The following EFHB variants were observed in gnomAD, a reference collection of about 807,000 sequenced individuals.
EFHB encodes the protein EF-hand domain-containing family member B.
Under a neutral mutation model 87.2 loss-of-function variants are expected in EFHB, and 91 were observed. That is an observed-to-expected ratio of 1.04 (90% CI 0.88 to 1.24). The LOEUF (loss-of-function observed/expected upper bound fraction) is 1.24, where lower values mean the gene tolerates loss of function less well. EFHB is among the 50% of genes most tolerant of loss of function. The pLI is 0.00. For missense variants in EFHB, 1,084 were observed against 998.8 expected (o/e 1.09, Z -1.15); for synonymous variants, 325 against 333.6 (o/e 0.97, Z 0.28).
intron 1 of EFHB, among the ~76,000 whole-genome samples, chr3:19,932,926 A>G (rs1032057667): frequency 6.6e-6 from 1 of 152,210 alleles, no homozygotes; most frequent in Non-Finnish European, 1.5e-5. Context: ...CACAGCATGT[A>G]TCTTCATGTA....
chr3:19,927,463 A>G (rs1471674752), intron 1 of EFHB, among the ~76,000 whole-genome samples: 1 of 152,208 alleles, frequency 6.6e-6, no homozygotes, highest in Non-Finnish European at 1.5e-5. Context: ...GTTTTACTAG[A>G]AGAACTTGCC....
Position 19,882,124 on chromosome 3 carries a change from C to T in EFHB, c.2328+426G>A, listed in dbSNP as rs57483851. Among the ~76,000 whole-genome samples the T allele has an allele frequency of 4.6e-3, 705 of 151,986 alleles. 6 individuals carry two copies. Among genetic ancestry groups the T allele is most frequent in the African/African-American group, 0.014 (585 of 41,442 alleles). Reference sequence around the variant, plus strand: ...GGCAACAAGACAGAATATTTTAAATCAATGCTTGTCACAGATAATCTGAGA... The same window carrying T: ...GGCAACAAGACAGAATATTTTAAATTAATGCTTGTCACAGATAATCTGAGA... On this transcript the variant is annotated intron_variant, in intron 12 of 12. Transcript: ENST00000295824.
In EFHB at chr3:19,888,548, T is replaced by C; in HGVS notation, c.1829A>G (p.Asp610Gly). 1 of 1,595,076 alleles carries C rather than the reference T, an allele frequency of 6.3e-7. No individual in the cohort carries two copies. Among genetic ancestry groups the C allele is most frequent in the Non-Finnish European group, 8.5e-7 (1 of 1,169,708 alleles). ...GTTAATGAAGCCATCATTATCCACA[T>C]CACAGTAGTCAAATAGCTGGTCCAG... Reference protein sequence around the residue: ...KLLDQLFDYCDVDNDGFINYL... With the variant: ...KLLDQLFDYCGVDNDGFINYL... The change falls in exon 10 of 13, where the codon GAT becomes GGT. Residue 610 changes from aspartate to glycine, a missense_variant. By Grantham distance (94) the Asp-to-Gly change is moderately conservative. Coordinates refer to ENST00000295824, the MANE Select transcript of EFHB (RefSeq NM_144715.4).
chr3:19,908,547 A>T (rs1694916806), intron 5 of EFHB, among the ~76,000 whole-genome samples: 1 of 67,218 alleles, frequency 1.5e-5, no homozygotes, highest in Non-Finnish European at 3.1e-5. Flanking sequence ...AAAGAAAGAA[A>T]GAGAGAAAGA....
At chr3:19,939,867 C>T (rs571971777) in intron 1 of EFHB, among the ~76,000 whole-genome samples, 7 of 152,234 alleles carry the variant, frequency 4.6e-5, no homozygotes, top group East Asian at 3.9e-4. Flanking sequence ...ACTGTAAAAC[C>T]GAACAATTGA....
intron 6 of EFHB, among the ~76,000 whole-genome samples, chr3:19,904,181 C>T (rs1286950571): frequency 6.6e-6 from 1 of 152,168 alleles, no homozygotes; most frequent in South Asian, 2.1e-4. Context: ...AAATCTACCC[C>T]TATCATTGAC....
intron 5 of EFHB, among the ~76,000 whole-genome samples, chr3:19,906,863 C>T (rs1256915777): frequency 1.3e-5 from 2 of 151,956 alleles, no homozygotes; most frequent in Admixed American, 6.6e-5. Context: ...TAAAAACAGA[C>T]ATACAGGCTA....
chr3:19,920,061 C>A (rs1695384315), intron 2 of EFHB, 85 bp from the exon 3 acceptor site: 1 of 1,424,294 alleles, frequency 7.0e-7, no homozygotes, highest in South Asian at 1.3e-5. Context: ...CAACCAACAA[C>A]CTTAAGTGCA....
intron 1 of EFHB, among the ~76,000 whole-genome samples, chr3:19,945,379 C>T (rs1339504368): frequency 6.6e-6 from 1 of 152,170 alleles, no homozygotes. Flanking sequence ...ACAGAAAGAA[C>T]AGCAGTATGC....
rs1043994167 is a variant in EFHB, at chr3:19,928,698, G to A, written c.789+4532C>T. 3.0e-4 allele frequency among the ~76,000 whole-genome samples: 45 copies of A among 152,150 alleles called. 1 individual carries two copies. Among genetic ancestry groups the A allele is most frequent in the Admixed American group, 8.5e-4 (13 of 15,270 alleles). On this transcript the variant is annotated intron_variant, in intron 1 of 12. Transcript: ENST00000295824. Reference sequence around the variant, plus strand: ...GACCTCAGGTGATCTGTCTGCCTTGGCCTCCCAAAGCACTGGGATTTCAGG... The same window carrying A: ...GACCTCAGGTGATCTGTCTGCCTTGACCTCCCAAAGCACTGGGATTTCAGG...
chr3:19,939,370 CTTTTTTTTTTTTTTTT>C lies in EFHB; in HGVS notation c.-31-3052_-31-3037del, dbSNP rs147510880. ...TGCCACTCAAACTGGGTTGGGTCTC[CTTTTTTTTTTTTTTTT>C]TTTTTTTTTTTTTTGGGATGGAGTC... On this transcript the variant is annotated intron_variant, in intron 1 of 14. Coordinates refer to the EFHB transcript ENST00000344838. 3.3e-3 allele frequency among the ~76,000 whole-genome samples: 212 copies of C among 64,600 alleles called. 1 individual carries two copies. Among genetic ancestry groups the C allele is most frequent in the African/African-American group, 0.013 (202 of 15,866 alleles). The allele number at this position is 64,600 out of a possible 152,430, so 42.4% of individuals were successfully genotyped here.
At chr3:19,927,085 A>T (rs1207658589) in intron 1 of EFHB, among the ~76,000 whole-genome samples, 30 of 152,282 alleles carry the variant, frequency 2.0e-4, no homozygotes, top group African/African-American at 7.2e-4. Context: ...TAATTTTTGT[A>T]AACTTCCCCT....
rs184177796 is a variant in EFHB at position 19,913,605 on chromosome 3, A to G, written c.1288+1698T>C. Among the ~76,000 whole-genome samples, 947 of 152,334 alleles carry G rather than the reference A, an allele frequency of 6.2e-3. 14 individuals carry two copies. Among genetic ancestry groups the G allele is most frequent in the Non-Finnish European group, 5.9e-3 (399 of 68,030 alleles). ...GGATTGGAAGAATCAATATTGTTAAAATGTCCATACTACCAAAAGCAATCT... is the reference window on the plus strand; with the variant it reads ...GGATTGGAAGAATCAATATTGTTAAGATGTCCATACTACCAAAAGCAATCT... On this transcript the variant is annotated intron_variant, in intron 5 of 12. Transcript: ENST00000295824.
chr3:19,896,153 C>T (rs1485648689), intron 9 of EFHB, among the ~76,000 whole-genome samples: 1 of 150,494 alleles, frequency 6.6e-6, no homozygotes, highest in Non-Finnish European at 1.5e-5. Flanking sequence ...CCCAGGGATC[C>T]CCAGTGCTAC....
rs868620667 is a variant in EFHB, at chr3:19,879,973, G to A, written c.2329-169C>T. 3.3e-5 allele frequency among the ~76,000 whole-genome samples: 5 copies of A among 152,076 alleles called. No homozygotes were observed. In the South Asian group the frequency reaches 8.3e-4, roughly 25 times the overall value. On this transcript the variant is annotated intron_variant, in intron 12 of 12. Coordinates refer to ENST00000295824, the MANE Select transcript of EFHB (RefSeq NM_144715.4). ...GCATGTGCTTGTATATATACATAAT[G>A]AGAAAATATCAAAATTCTAATACTG...
chr3:19,879,680 A>G lies in EFHB; in HGVS notation c.2453T>C (p.Leu818Pro), dbSNP rs2071624038. ...CCGGTCTGCATGCCGTAGCTCATCT[A>G]GAACATTTCTGATGTTCTCAACACA... ...EVCVENIRNV[L>P]DELRHADRIK... The change falls in exon 13 of 13, where the codon CTA (leucine) becomes CCA (proline). Residue 818 changes from leucine (L) to proline (P), a missense_variant. Transcript: ENST00000295824. 6.2e-7 allele frequency: 1 copy of G among 1,608,660 alleles called. No individual in the cohort carries two copies. The highest frequency in any genetic ancestry group is 1.1e-5 in the South Asian group (1 of 89,740).
chr3:19,893,513 G>T (rs1407183013), intron 9 of EFHB, among the ~76,000 whole-genome samples: 1 of 152,152 alleles, frequency 6.6e-6, no homozygotes, highest in Non-Finnish European at 1.5e-5. Flanking sequence ...TCAGGGGAGT[G>T]ACAGACATCA....
intron 1 of EFHB, chr3:19,940,955 C>A (rs1696144211): frequency 3.1e-6 from 1 of 324,922 alleles, no homozygotes; most frequent in South Asian, 3.6e-5. Flanking sequence ...ACAGTCATGA[C>A]TACACCATCG....
In EFHB at chr3:19,915,340, A is replaced by T. The variant is rs771860890; in HGVS notation, c.1251T>A (p.His417Gln). ...CATTGTGAGAAACAACATACAAATC[A>T]TGTCCTTCATTTCCTTCTTTAAATA... ...EEVFKEGNEG[H>Q]DLYVVSHNDY... The change falls in exon 5 of 13, where the codon CAT (histidine) becomes CAA (glutamine). Residue 417 changes from histidine (H) to glutamine (Q), a missense_variant. Transcript: ENST00000295824. 1 of 1,613,156 alleles carries T rather than the reference A, an allele frequency of 6.2e-7. No individual in the cohort carries two copies. The highest frequency in any genetic ancestry group is 8.5e-7 in the Non-Finnish European group (1 of 1,179,412).
Sources: gnomAD v4.1 joint callset for allele counts (sites outside exome capture counted in the v4.1 genomes callset) on GRCh38, gnomAD v4.1.1 for gene constraint, MANE v1.5 for transcripts, NCBI Gene and HGNC (gene_info 2026-07-23, HGNC 2026-07-21) for gene names.